The following CFAP43 variants were observed in gnomAD, a reference collection of about 807,000 sequenced individuals.
The protein encoded by CFAP43 is cilia and flagella associated protein 43.
A neutral mutation model predicts 218.9 loss-of-function variants in CFAP43; 155 were observed. The observed-to-expected ratio is 0.71, with a 90% CI of 0.62 to 0.81. The LOEUF (loss-of-function observed/expected upper bound fraction) is 0.81. CFAP43 is among the 30% of genes least tolerant of loss of function. The probability of loss-of-function intolerance (pLI) is 0.00; values close to 1 mark genes in which losing one functional copy is unlikely to be tolerated. For synonymous variants in CFAP43, 645 were observed against 681.3 expected, an observed-to-expected ratio of 0.95 and a Z score of 0.83; for missense variants, 1,778 against 1,954.3, an observed-to-expected ratio of 0.91 and a Z score of 1.70.
At chr10:104,164,499 G>A (rs184578670) in intron 23 of CFAP43, among the ~76,000 whole-genome samples, 199 bp from the exon 24 acceptor site, 3 of 151,506 alleles carry the variant, frequency 2.0e-5, no homozygotes, top group African/African-American at 4.8e-5. Flanking sequence ...CCGGGTTCAC[G>A]CCATTCTCCT....
chr10:104,141,912 G>A (rs900574820), intron 33 of CFAP43, among the ~76,000 whole-genome samples: 3 of 152,116 alleles, frequency 2.0e-5, no homozygotes, highest in East Asian at 1.9e-4. Context: ...AGTTGGCTGC[G>A]TGTCTACATG....
intron 24 of CFAP43, among the ~76,000 whole-genome samples, chr10:104,163,102 A>G (rs1212647369): frequency 6.6e-6 from 1 of 152,218 alleles, no homozygotes; most frequent in African/African-American, 2.4e-5. Context: ...TGCTTAAACA[A>G]GTACAGCAGA....
intron 1 of CFAP43, among the ~76,000 whole-genome samples, chr10:104,231,123 C>G (rs1224296144): frequency 6.6e-6 from 1 of 152,190 alleles, no homozygotes; most frequent in African/African-American, 2.4e-5. Context: ...CTGAGAAAGT[C>G]TCAGAAGGAC....
rs760619796 is a variant in CFAP43 at position 104,145,482 on chromosome 10, C to T, written c.3938G>A (p.Arg1313Gln). ...VDILYKLFKR[R>Q]PRISKQKTHS... is the part of the protein sequence containing the mutation. ...TAGTGAAGGAGAAACAAACCTTGGT[C>T]GGCGTTTAAAAAGTTTGTAGAGTAT... The change falls in exon 31 of 38, where the codon CGA (arginine) becomes CAA (glutamine). Residue 1313 changes from arginine (R) to glutamine (Q), a missense_variant. Arg to Gln is a conservative substitution (Grantham distance 43). Around this residue, in one of 3 missense-constraint regions of CFAP43, gnomAD observed 1,553 missense variants for 1,685.2 expected, o/e 0.92. Transcript: ENST00000357060. 38 of 1,589,098 alleles carry T rather than the reference C, an allele frequency of 2.4e-5. No homozygotes were observed. The East Asian group carries it at 3.4e-4, about 14-fold the overall frequency.
rs765376401 is a variant in CFAP43 at position 104,203,669 on chromosome 10, T to C, written c.1095+3A>G. 1.9e-6 allele frequency: 3 copies of C among 1,598,658 alleles called. No homozygotes were observed. The highest frequency in any genetic ancestry group is 1.7e-6 in the Non-Finnish European group (2 of 1,174,488). On this transcript the variant is annotated splice_donor_region_variant and intron_variant, in intron 8 of 37. Coordinates refer to ENST00000357060, the MANE Select transcript of CFAP43 (RefSeq NM_025145.7). ...CATATCAAGAAATTACCATCCAACA[T>C]ACCTTGTCTGTTTGAATCAGCAACA...
At chr10:104,134,184 G>A (rs1352936106) in intron 34 of CFAP43, among the ~76,000 whole-genome samples, 1 of 152,122 alleles carries the variant, frequency 6.6e-6, no homozygotes, top group Non-Finnish European at 1.5e-5. Context: ...GAATGCTTAA[G>A]CTCAGGAGTT....
chr10:104,160,126 A>G (rs2088797365), intron 27 of CFAP43, among the ~76,000 whole-genome samples: 1 of 152,230 alleles, frequency 6.6e-6, no homozygotes, highest in South Asian at 2.1e-4. Context: ...AAGAAGGTGC[A>G]GGGACATGAG....
intron 27 of CFAP43, among the ~76,000 whole-genome samples, chr10:104,156,464 A>T (rs2088552350): frequency 6.6e-6 from 1 of 152,182 alleles, no homozygotes. Flanking sequence ...ATTCAGTATC[A>T]CAATGGTTGC....
rs767735622 is a variant in CFAP43, at chr10:104,196,945, G to A, written c.1213-12C>T. On this transcript the variant is annotated splice_polypyrimidine_tract_variant and intron_variant, in intron 9 of 37. Transcript: ENST00000357060. ...GAATATGTAAGTGTCTGTAAAAAAA[G>A]AAAAACAAAAACTCTACATGGAAAA... 1 of 1,601,362 alleles carries A rather than the reference G, an allele frequency of 6.2e-7. No individual in the cohort carries two copies. The highest frequency in any genetic ancestry group is 8.5e-7 in the Non-Finnish European group (1 of 1,174,544).
chr10:104,207,355 G>T (rs889882792), intron 6 of CFAP43, among the ~76,000 whole-genome samples: 2 of 152,174 alleles, frequency 1.3e-5, no homozygotes, highest in African/African-American at 4.8e-5. Flanking sequence ...CAGTAGCCAA[G>T]AACTTGGACT....
chr10:104,188,202 A>ACCCAAAAAACAATAACAAC (rs1279780362), intron 13 of CFAP43, 68 bp downstream of exon 13: 101 of 1,564,172 alleles, frequency 6.5e-5, no homozygotes, highest in Non-Finnish European at 8.3e-5. Flanking sequence ...AACAAAACAA[A>ACCCAAAAAACAATAACAAC]CCCAAAAAAC....
Position 104,227,950 on chromosome 10 carries a change from G to A in CFAP43, c.320-2393C>T, listed in dbSNP as rs141708209. Among the ~76,000 whole-genome samples, 443 of 142,344 alleles carry A rather than the reference G, an allele frequency of 3.1e-3. 2 individuals are homozygous for A. The highest frequency in any genetic ancestry group is 0.011 in the African/African-American group (411 of 37,692). 93.4% of individuals were successfully genotyped at this position (142,344 alleles called of 152,430 possible). A position where few individuals can be genotyped will look rare whatever the true frequency, so the allele number is the denominator to read the frequency against. On this transcript the variant is annotated intron_variant, in intron 2 of 37. Transcript: ENST00000357060. ...CAACCTCCGCCTCCCGGGTTCAAGC[G>A]ATTCTGCATCAGCCTCCTGAGTAGC...
chr10:104,218,347 C>CAAA (rs68078522), intron 3 of CFAP43, among the ~76,000 whole-genome samples: 48 of 98,632 alleles, frequency 4.9e-4, no homozygotes, highest in East Asian at 7.6e-4. Flanking sequence ...GACTGTGTCT[C>CAAA]AAAAAAAAAA....
rs144967188 is a variant in CFAP43, at chr10:104,193,935, A to G, written c.1373T>C (p.Val458Ala). The change falls in exon 11 of 38, where the codon GTA becomes GCA. Residue 458 changes from valine to alanine, a missense_variant. By Grantham distance (64) the Val-to-Ala change is moderately conservative. Around this residue, in one of 3 missense-constraint regions of CFAP43, gnomAD observed 1,553 missense variants for 1,685.2 expected, o/e 0.92. Coordinates refer to ENST00000357060, the MANE Select transcript of CFAP43 (RefSeq NM_025145.7). ...GACCTGAGGGGATTCCTTATCATAT[A>G]CGCTGATGAAGTAGACCGAGCCATC... ...TEDGSVYFIS[V>A]YDKESPQVVH... The G allele has an allele frequency of 2.8e-5, 45 of 1,613,994 alleles. No individual in the cohort carries two copies. Among genetic ancestry groups the G allele is most frequent in the Non-Finnish European group, 2.8e-5 (33 of 1,180,026 alleles).
chr10:104,160,393 C>A (rs1421775887), intron 27 of CFAP43, among the ~76,000 whole-genome samples: 2 of 152,194 alleles, frequency 1.3e-5, no homozygotes, highest in Non-Finnish European at 2.9e-5. Flanking sequence ...CAGCCACTAG[C>A]AAGCTGGAAA....
rs748210095 is a variant in CFAP43, at chr10:104,187,402, G to A, written c.1778C>T (p.Ala593Val). 1.2e-5 allele frequency: 19 copies of A among 1,611,772 alleles called. 1 individual carries two copies. In the South Asian group the frequency reaches 2.1e-4, roughly 18 times the overall value. Residue 593 changes from alanine (A) to valine (V), a missense_variant, in exon 14 of 38, where the codon GCA (alanine) becomes GTA (valine). Coordinates refer to ENST00000357060, the MANE Select transcript of CFAP43 (RefSeq NM_025145.7). Reference sequence around the variant, plus strand: ...TTGGTTACTTTGAAAGCCCAAGACTGCAGAGGACAGAGCGTGCTCCAACTC... The same window carrying A: ...TTGGTTACTTTGAAAGCCCAAGACTACAGAGGACAGAGCGTGCTCCAACTC... ...LYELEHALSSAVLGFQSNQIY... is the reference protein window; with the variant it reads ...LYELEHALSSVVLGFQSNQIY...
rs919620840 is a variant in CFAP43 at position 104,179,941 on chromosome 10, T to C, written c.2290-9A>G. ...GTGCTTGCCTTCTGTTTCTGATACATGGTAGAAAAAGACAGACATGTCTTA... is the reference window on the plus strand; with the variant it reads ...GTGCTTGCCTTCTGTTTCTGATACACGGTAGAAAAAGACAGACATGTCTTA... On this transcript the variant is annotated splice_polypyrimidine_tract_variant and intron_variant, in intron 17 of 37. Coordinates refer to ENST00000357060, the MANE Select transcript of CFAP43 (RefSeq NM_025145.7). 3 of 1,608,948 alleles carry C rather than the reference T, an allele frequency of 1.9e-6. No homozygotes were observed. In the East Asian group the frequency reaches 6.7e-5, roughly 36 times the overall value.
intron 19 of CFAP43, among the ~76,000 whole-genome samples, chr10:104,177,225 G>A (rs1199496849): frequency 1.3e-5 from 2 of 151,936 alleles, no homozygotes; most frequent in African/African-American, 2.4e-5. Context: ...GAAAACTGAA[G>A]AGAGAAACTT....
chr10:104,130,086 T>G lies in CFAP43; in HGVS notation c.*53A>C. ...AGAAAAGGAAATCATTTTACCCAAA[T>G]GAAATGATTTTTTAAATGATTGATT... is the stretch of plus-strand genomic sequence containing the variant. On this transcript the variant is annotated 3_prime_UTR_variant, in exon 38 of 38. Transcript: ENST00000357060. 2.0e-6 allele frequency: 3 copies of G among 1,523,204 alleles called. No individual in the cohort carries two copies. The highest frequency in any genetic ancestry group is 2.6e-6 in the Non-Finnish European group (3 of 1,139,210). 94.4% of individuals were successfully genotyped at this position (1,523,204 alleles called of 1,614,324 possible).
Sources: allele counts gnomAD v4.1 joint callset (sites outside exome capture counted in the v4.1 genomes callset), GRCh38; gene constraint gnomAD v4.1.1; regional missense constraint gnomAD v4.1.1; transcripts MANE v1.5; gene names NCBI Gene and HGNC (gene_info 2026-07-23, HGNC 2026-07-21).